The following GLB1L3 variants were observed in gnomAD, a reference collection of about 807,000 sequenced individuals.
GLB1L3 encodes beta-galactosidase-1-like protein 3.
A neutral mutation model predicts 89.5 loss-of-function variants in GLB1L3; 89 were observed. That is an observed-to-expected ratio of 0.99 (90% CI 0.84 to 1.19). GLB1L3 has a LOEUF of 1.19. Ranked by LOEUF, GLB1L3 falls within the 50% of genes most tolerant of loss-of-function variation. The pLI, the probability that GLB1L3 is intolerant of heterozygous loss-of-function variation, is 0.00. For missense variants in GLB1L3, 812 were observed against 813.3 expected, an observed-to-expected ratio of 1.00 and a Z score of 0.02; for synonymous variants, 314 against 312.3, an observed-to-expected ratio of 1.01 and a Z score of -0.06.
At chr11:134,296,169 A>G (rs1454958171) in intron 9 of GLB1L3, among the ~76,000 whole-genome samples, 1 of 151,304 alleles carries the variant, frequency 6.6e-6, no homozygotes, top group Non-Finnish European at 1.5e-5. Flanking sequence ...TTAGAATGGC[A>G]GTCATTAAAA....
intron 10 of GLB1L3, among the ~76,000 whole-genome samples, chr11:134,308,285 TACCACCACCACCACCA>T (rs1942375165): frequency 1.4e-4 from 3 of 20,922 alleles, no homozygotes; most frequent in Admixed American, 5.0e-4. Flanking sequence ...CACCACCAAA[TACCACCACCACCACCA>T]CCACCACCAC....
intron 5 of GLB1L3, among the ~76,000 whole-genome samples, chr11:134,282,600 C>G (rs1940763257): frequency 6.6e-6 from 1 of 152,180 alleles, no homozygotes; most frequent in Non-Finnish European, 1.5e-5. Context: ...CCTTTCCATG[C>G]AGTGAGACCA....
chr11:134,312,192 C>T (rs192164593), intron 13 of GLB1L3, 157 bp from the exon 14 acceptor site: 113 of 750,150 alleles, frequency 1.5e-4, no homozygotes, highest in Admixed American at 8.1e-4. Flanking sequence ...GCAGTGGAGA[C>T]GTAAGCACAG....
At chr11:134,314,269 G>C in intron 17 of GLB1L3, 61 bp from the exon 18 acceptor site, 1 of 1,174,094 alleles carries the variant, frequency 8.5e-7, no homozygotes, top group South Asian at 1.4e-5. Flanking sequence ...CCTGGGGTGG[G>C]TACTGGGAAC....
At chr11:134,288,911 C>A in intron 7 of GLB1L3, 21 bp downstream of exon 7, 1 of 1,555,024 alleles carries the variant, frequency 6.4e-7, no homozygotes, top group Non-Finnish European at 8.8e-7. Context: ...CTTGGTTTGG[C>A]CCCATGTTTA....
At chr11:134,308,446 T>TCAC (rs1164537686) in intron 10 of GLB1L3, among the ~76,000 whole-genome samples, 8 of 16,848 alleles carry the variant, frequency 4.7e-4, no homozygotes, top group African/African-American at 1.5e-3. Context: ...ACCACCACCA[T>TCAC]CACCACCACC....
intron 12 of GLB1L3, 116 bp downstream of exon 12, chr11:134,310,767 G>A (rs1007462028): frequency 1.3e-6 from 1 of 743,718 alleles, no homozygotes. Context: ...CCAAGCTCCT[G>A]AGAACAAGGG....
intron 8 of GLB1L3, 65 bp from the exon 9 acceptor site, chr11:134,293,080 A>C: frequency 7.2e-7 from 1 of 1,393,658 alleles, no homozygotes; most frequent in Non-Finnish European, 1.0e-6. Flanking sequence ...CCGGGGGCGC[A>C]TTCCTTCCCT....
At chr11:134,318,604 C>T (rs1943079817) in intron 18 of GLB1L3, 27 bp from the exon 19 acceptor site, 3 of 1,468,032 alleles carry the variant, frequency 2.0e-6, no homozygotes, top group Non-Finnish European at 1.9e-6. Flanking sequence ...AACCAATTTC[C>T]AAATCTCAAG....
chr11:134,279,910 G>A (rs1193019675), intron 3 of GLB1L3, among the ~76,000 whole-genome samples: 1 of 151,782 alleles, frequency 6.6e-6, no homozygotes, highest in African/African-American at 2.4e-5. Flanking sequence ...ATTAAATATA[G>A]TACCTTCTCT....
intron 6 of GLB1L3, 74 bp from the exon 7 acceptor site, chr11:134,288,724 G>A (rs868222364): frequency 2.9e-5 from 31 of 1,080,642 alleles, no homozygotes; most frequent in Admixed American, 6.5e-5. Context: ...GCAGCCTTCG[G>A]CAGCAAGCTC....
intron 9 of GLB1L3, 133 bp downstream of exon 9, chr11:134,293,342 C>G: frequency 1.4e-6 from 1 of 721,474 alleles, no homozygotes. Context: ...TCGGCAGGTT[C>G]CAAGCCATTT....
intron 18 of GLB1L3, 34 bp from the exon 19 acceptor site, chr11:134,318,597 C>G (rs1285387297): frequency 1.4e-6 from 2 of 1,383,992 alleles, no homozygotes; most frequent in Non-Finnish European, 1.0e-6. Context: ...TAATGTGAAC[C>G]AATTTCCAAA....
At chr11:134,281,895 C>T (rs1399278000) in intron 4 of GLB1L3, 130 bp from the exon 5 acceptor site, 14 of 729,452 alleles carry the variant, frequency 1.9e-5, no homozygotes, top group African/African-American at 3.8e-5. Context: ...GGAGTCCCCA[C>T]GCTTTGGGGG....
At chr11:134,310,509 G>A in intron 11 of GLB1L3, 62 bp from the exon 12 acceptor site, 1 of 1,311,358 alleles carries the variant, frequency 7.6e-7, no homozygotes, top group Non-Finnish European at 1.1e-6. Flanking sequence ...CCTGCCAGCG[G>A]TGCTGAAACA....
At position 134,307,202 on chromosome 11, in the gene GLB1L3, GC is replaced by G; in HGVS notation, c.956del (p.Ala319GlufsTer32). 6.2e-7 allele frequency: 1 copy of G among 1,612,268 alleles called. No homozygotes were observed. The highest frequency in any genetic ancestry group is 8.5e-7 in the Non-Finnish European group (1 of 1,178,654). ...RWGDKHHVKD[A>X]KEVEHAVSEF... The stretch of plus-strand genomic sequence containing the variant: ...GGGAGATAAGCACCATGTTAAAGAT[GC>G]AAAGGGTGAGTGTTTTGCAGTGTTT... On this transcript the variant is annotated frameshift_variant, in exon 10 of 20. Coordinates refer to ENST00000431683, the MANE Select transcript of GLB1L3 (RefSeq NM_001080407.3). LOFTEE classifies it high-confidence loss of function.
rs371644595 is a variant in GLB1L3 at position 134,318,711 on chromosome 11, C to G, written c.1860C>G (p.Tyr620Ter). ...ATATTGGGCCTCAGAAAACACTGTA[C>G]CTTCCTGGAGTTTGGCTTCATCCAG... ...YWNIGPQKTL[Y>*]LPGVWLHPED... Residue 620 changes from tyrosine (Y) to a stop codon, truncating the protein, a stop_gained, in exon 19 of 20, where the codon TAC becomes TAG. Transcript: ENST00000431683. LOFTEE classifies it low-confidence loss of function (END_TRUNC). The G allele has an allele frequency of 3.7e-6, 6 of 1,612,562 alleles. No homozygotes were observed. The African/African-American group carries it at 5.3e-5, about 14-fold the overall frequency.
At position 134,292,886 on chromosome 11, in the gene GLB1L3, C is replaced by T. The variant is rs1219865601; in HGVS notation, c.812-259C>T. 2.0e-5 allele frequency: 11 copies of T among 558,430 alleles called. No homozygotes were observed. The East Asian group carries it at 3.2e-4, about 16-fold the overall frequency. The allele number at this position is 558,430 out of a possible 1,614,324, so 34.6% of individuals were successfully genotyped here. A position where few individuals can be genotyped will look rare whatever the true frequency, so the allele number is the denominator to read the frequency against. On this transcript the variant is annotated intron_variant, in intron 8 of 19. Transcript: ENST00000431683. Reference sequence around the variant, plus strand: ...TGTCCCGTTTCCAGTCTAATCATGTCAGGGAGCCTTGGCCTGGCTCACTTC... The same window carrying T: ...TGTCCCGTTTCCAGTCTAATCATGTTAGGGAGCCTTGGCCTGGCTCACTTC...
intron 5 of GLB1L3, among the ~76,000 whole-genome samples, chr11:134,282,968 G>C (rs985151337): frequency 6.6e-6 from 1 of 152,214 alleles, no homozygotes; most frequent in Admixed American, 6.5e-5. Context: ...GGAGTGGGTG[G>C]AGTATCATTG....
Sources: allele counts gnomAD v4.1 joint callset (sites outside exome capture counted in the v4.1 genomes callset), GRCh38; gene constraint gnomAD v4.1.1; transcripts MANE v1.5; gene names NCBI Gene and HGNC (gene_info 2026-07-23, HGNC 2026-07-21).